The following NRXN3 variants were observed in gnomAD, a reference collection of about 807,000 sequenced individuals.
NRXN3 encodes neurexin 3.
Under a neutral mutation model 137.6 loss-of-function variants are expected in NRXN3, and 32 were observed. That is an observed-to-expected ratio of 0.23 (90% CI 0.18 to 0.31). NRXN3 has a LOEUF of 0.31. NRXN3 is among the 10% of genes least tolerant of loss of function. NRXN3 has a pLI of 1.00. For synonymous variants in NRXN3, 798 were observed against 784.5 expected (o/e 1.02, Z -0.29); for missense variants, 1,574 against 2,062.5 (o/e 0.76, Z 4.59).
intron 15 of NRXN3, among the ~76,000 whole-genome samples, chr14:79,070,292 G>C (rs532460679): frequency 5.3e-5 from 8 of 152,266 alleles, no homozygotes; most frequent in African/African-American, 1.9e-4. Context: ...AAAGGAAGGG[G>C]TGAGAGTTTC....
chr14:79,026,589 G>GA (rs1380746062), intron 15 of NRXN3, among the ~76,000 whole-genome samples: 1 of 152,016 alleles, frequency 6.6e-6, no homozygotes, highest in African/African-American at 2.4e-5. Context: ...TTTCAATAAG[G>GA]AAAAAATATC....
chr14:78,366,005 G>T (rs1296852719), intron 4 of NRXN3, among the ~76,000 whole-genome samples: 1 of 152,096 alleles, frequency 6.6e-6, no homozygotes, highest in Non-Finnish European at 1.5e-5. Flanking sequence ...TTTATATACT[G>T]GTTTTGATAG....
chr14:79,129,985 A>G (rs995078064), intron 15 of NRXN3, among the ~76,000 whole-genome samples: 2 of 151,468 alleles, frequency 1.3e-5, no homozygotes, highest in Non-Finnish European at 2.9e-5. Flanking sequence ...GTTTTATCAG[A>G]GACTAGGATT....
intron 15 of NRXN3, among the ~76,000 whole-genome samples, chr14:79,455,495 A>G (rs553533722): frequency 1.1e-4 from 17 of 152,310 alleles, no homozygotes; most frequent in Non-Finnish European, 2.4e-4. Context: ...ATTACCTGTA[A>G]AATCACCTAG....
intron 15 of NRXN3, among the ~76,000 whole-genome samples, chr14:79,045,821 C>A (rs1466804600): frequency 1.3e-5 from 2 of 152,180 alleles, no homozygotes; most frequent in East Asian, 1.9e-4. Flanking sequence ...GCCTCGGGAC[C>A]ACCTAGTGAT....
intron 4 of NRXN3, among the ~76,000 whole-genome samples, chr14:78,325,146 T>G (rs1323252947): frequency 2.0e-5 from 3 of 151,924 alleles, no homozygotes; most frequent in Admixed American, 1.3e-4. Context: ...TATATAAAAA[T>G]TAGCATCAGG....
At chr14:79,046,053 T>C (rs996104540) in intron 15 of NRXN3, among the ~76,000 whole-genome samples, 6 of 152,334 alleles carry the variant, frequency 3.9e-5, no homozygotes, top group Admixed American at 3.3e-4. Context: ...CCTGAAAATA[T>C]GTATATCTAA....
chr14:78,313,679 C>A (rs1026925948), intron 4 of NRXN3, among the ~76,000 whole-genome samples: 20 of 152,012 alleles, frequency 1.3e-4, no homozygotes, highest in Non-Finnish European at 1.2e-4. Flanking sequence ...ATATACGATA[C>A]CATCATTTCA....
intron 19 of NRXN3, among the ~76,000 whole-genome samples, chr14:79,704,615 C>CT (rs1374313110): frequency 6.6e-6 from 1 of 152,136 alleles, no homozygotes; most frequent in Non-Finnish European, 1.5e-5. Flanking sequence ...TGTGAGGCTC[C>CT]AGGGTTTGTT....
chr14:78,520,917 T>C (rs1220194557), intron 4 of NRXN3, among the ~76,000 whole-genome samples: 1 of 152,190 alleles, frequency 6.6e-6, no homozygotes, highest in African/African-American at 2.4e-5. Flanking sequence ...GAAGTTAATA[T>C]CTTTCTTTTT....
At chr14:78,204,547 C>T (rs552333987) in intron 1 of NRXN3, among the ~76,000 whole-genome samples, 77 of 152,190 alleles carry the variant, frequency 5.1e-4, no homozygotes, top group Middle Eastern at 6.8e-3. Flanking sequence ...TGGGGAATTA[C>T]TTAAATTAAT....
intron 16 of NRXN3, among the ~76,000 whole-genome samples, chr14:79,651,542 A>T (rs552518604): frequency 6.6e-6 from 1 of 152,272 alleles, no homozygotes; most frequent in East Asian, 1.9e-4. Flanking sequence ...TGACAGGAAA[A>T]AAAAAGAATT....
intron 1 of NRXN3, among the ~76,000 whole-genome samples, chr14:78,230,852 C>G (rs2065297012): frequency 6.6e-6 from 1 of 152,084 alleles, no homozygotes. Flanking sequence ...ATGTTGAAAA[C>G]CACTGGAGGG....
At chr14:79,047,579 A>G (rs2099634902) in intron 15 of NRXN3, among the ~76,000 whole-genome samples, 1 of 152,176 alleles carries the variant, frequency 6.6e-6, no homozygotes, top group South Asian at 2.1e-4. Flanking sequence ...ACCTGTATTC[A>G]CAACATATGA....
intron 15 of NRXN3, among the ~76,000 whole-genome samples, chr14:79,359,193 G>GT (rs1160698885): frequency 6.6e-6 from 1 of 152,084 alleles, no homozygotes; most frequent in Non-Finnish European, 1.5e-5. Context: ...CTTTCAATGC[G>GT]TATCTGTTCT....
chr14:78,904,317 A>G (rs1480640942), intron 10 of NRXN3, among the ~76,000 whole-genome samples: 1 of 152,026 alleles, frequency 6.6e-6, no homozygotes, highest in African/African-American at 2.4e-5. Flanking sequence ...ATGCTGCTAA[A>G]TATCTCAGAG....
At chr14:78,992,969 C>T (rs1467082904) in intron 15 of NRXN3, among the ~76,000 whole-genome samples, 4 of 152,140 alleles carry the variant, frequency 2.6e-5, no homozygotes, top group African/African-American at 9.7e-5. Context: ...AGCTGGCCAC[C>T]CTGTGCTACA....
chr14:78,788,811 GTAT>G (rs2153046087), intron 8 of NRXN3, among the ~76,000 whole-genome samples: 1 of 152,150 alleles, frequency 6.6e-6, no homozygotes, highest in East Asian at 1.9e-4. Context: ...GACTGATTCG[GTAT>G]TATTATTACA....
At chr14:79,269,051 A>ATTT in intron 15 of NRXN3, among the ~76,000 whole-genome samples, 1 of 151,274 alleles carries the variant, frequency 6.6e-6, no homozygotes, top group Non-Finnish European at 1.5e-5. Context: ...TTCTTATTTT[A>ATTT]TTTTATTTTA....
Sources: allele counts gnomAD v4.1 joint callset (sites outside exome capture counted in the v4.1 genomes callset), GRCh38; gene constraint gnomAD v4.1.1; transcripts MANE v1.5; gene names NCBI Gene and HGNC (gene_info 2026-07-23, HGNC 2026-07-21).